Variants in NACC2 observed in about 807,000 individuals in gnomAD.
NACC2 encodes NACC family member 2, also known as nucleus accumbens-associated protein 2.
In NACC2, 8 loss-of-function variants were observed where a neutral mutation model predicts 25.1. That is an observed-to-expected ratio of 0.32 (90% CI 0.19 to 0.57). NACC2 has a LOEUF of 0.57. NACC2 is among the 20% of genes least tolerant of loss of function. The pLI, the probability that NACC2 is intolerant of heterozygous loss-of-function variation, is 0.89. For missense variants in NACC2, 644 were observed against 650.2 expected (o/e 0.99, Z 0.10); for synonymous variants, 435 against 294.7 (o/e 1.48, Z -4.88).
chr9:136,070,189 A>G (rs891609241), intron 1 of NACC2, among the ~76,000 whole-genome samples: 18 of 152,050 alleles, frequency 1.2e-4, no homozygotes, highest in African/African-American at 3.9e-4. Context: ...TAAGTAATCC[A>G]TATGTCAAAG....
At position 136,011,743 on chromosome 9, in the gene NACC2, C is replaced by A; in HGVS notation, c.1537G>T (p.Ala513Ser). Residue 513 changes from alanine to serine, a missense_variant, in exon 6 of 6, where the codon GCC (alanine) becomes TCC (serine). Ala to Ser is a moderately conservative substitution (Grantham distance 99, BLOSUM62 1). Transcript: ENST00000277554. The part of the protein sequence containing the change: ...AATIVALRTD[A>S]VNVDLSAAAN... ...GCGGCACTCAGGTCAACATTCACGGCGTCAGTTCTCAGAGCCACGATGGTG... is the reference window on the plus strand; with the variant it reads ...GCGGCACTCAGGTCAACATTCACGGAGTCAGTTCTCAGAGCCACGATGGTG... The A allele has an allele frequency of 6.5e-7, 1 of 1,539,918 alleles. No homozygotes were observed. The highest frequency in any genetic ancestry group is 8.7e-7 in the Non-Finnish European group (1 of 1,143,810).
intron 1 of NACC2, among the ~76,000 whole-genome samples, chr9:136,056,338 C>A (rs750452032): frequency 1.6e-3 from 245 of 152,260 alleles, no homozygotes; most frequent in Non-Finnish European, 2.2e-3. Flanking sequence ...GCCAGGAACT[C>A]CCCCCAACCC....
intron 2 of NACC2, among the ~76,000 whole-genome samples, chr9:136,023,185 G>T (rs1430339312): frequency 6.7e-6 from 1 of 149,636 alleles, no homozygotes. Flanking sequence ...AAACCCGGAT[G>T]GAAAGGGGCT....
chr9:136,034,992 G>T (rs1191515514), intron 2 of NACC2, among the ~76,000 whole-genome samples: 1 of 152,156 alleles, frequency 6.6e-6, no homozygotes, highest in Non-Finnish European at 1.5e-5. Flanking sequence ...TACTTGGGAG[G>T]CTGAGGCAGG....
At position 136,049,799 on chromosome 9, in the gene NACC2, G is replaced by A. The variant is rs1840788874; in HGVS notation, c.723C>T (p.Tyr241=). 3.9e-6 allele frequency: 3 copies of A among 760,686 alleles called. No homozygotes were observed. The highest frequency in any genetic ancestry group is 1.7e-5 in the African/African-American group (1 of 58,616). The allele number at this position is 760,686 out of a possible 1,614,324, so 47.1% of individuals were successfully genotyped here. The change falls in exon 2 of 6, where the codon TAC becomes TAT. Residue 241 remains tyrosine, a synonymous_variant. Transcript: ENST00000277554. ...TLIPGIQQMP[Y]PQGERTSPGA... ...CTGGACTGGTCCGCTCCCCCTGGGG[G>A]TAGGGCATCTGCTGGATGCCGGGGA...
chr9:136,088,482 G>A (rs1332087158), intron 1 of NACC2, among the ~76,000 whole-genome samples: 2 of 152,134 alleles, frequency 1.3e-5, no homozygotes, highest in Non-Finnish European at 2.9e-5. Context: ...TCAGTCAGCA[G>A]GACGAGCCAC....
chr9:136,053,387 G>A (rs1267663063), intron 1 of NACC2, among the ~76,000 whole-genome samples: 3 of 152,208 alleles, frequency 2.0e-5, no homozygotes, highest in Middle Eastern at 3.2e-3. Context: ...CAAGGGGCTG[G>A]TGACAACTCA....
At chr9:136,070,275 G>A (rs984369524) in intron 1 of NACC2, among the ~76,000 whole-genome samples, 3 of 150,720 alleles carry the variant, frequency 2.0e-5, no homozygotes, top group Non-Finnish European at 4.4e-5. Context: ...TGGGAGGCCG[G>A]GGCGGGTGGA....
rs1189814777 is a variant in NACC2 at position 136,049,721 on chromosome 9, C to G, written c.801G>C (p.Glu267Asp). The change falls in exon 2 of 6, where the codon GAG becomes GAC. Residue 267 changes from glutamate (E) to aspartate (D), a missense_variant. Transcript: ENST00000277554. The stretch of plus-strand genomic sequence containing the variant: ...CGTAGGCCTCGTCGTCCTCCTCGTC[C>G]TCCTCGTTGTGGTACGAGGTGGGGC... ...TDSPTSYHNE[E>D]DEEDDEAYDT... 1.2e-5 allele frequency: 9 copies of G among 779,282 alleles called. No individual in the cohort carries two copies. Among genetic ancestry groups the G allele is most frequent in the African/African-American group, 1.7e-5 (1 of 59,068 alleles). 48.3% of individuals were successfully genotyped at this position (779,282 alleles called of 1,614,324 possible). A position where few individuals can be genotyped will look rare whatever the true frequency, so the allele number is the denominator to read the frequency against.
chr9:136,087,716 G>T (rs989471114), intron 1 of NACC2, among the ~76,000 whole-genome samples: 1 of 152,230 alleles, frequency 6.6e-6, no homozygotes, highest in South Asian at 2.1e-4. Context: ...CGCAGCACGG[G>T]GGGAAATGAG....
intron 2 of NACC2, among the ~76,000 whole-genome samples, chr9:136,042,767 G>A (rs11103285): frequency 1.4e-5 from 2 of 141,364 alleles, no homozygotes. Context: ...CACACACACA[G>A]AGACACACAG....
chr9:136,045,389 C>T (rs10117001), intron 2 of NACC2, among the ~76,000 whole-genome samples: 104 of 36,696 alleles, frequency 2.8e-3, no homozygotes, highest in East Asian at 7.7e-3. Context: ...CCAGAGCTGT[C>T]CCCTGCTGGG....
At chr9:136,030,483 G>A (rs1168431096) in intron 2 of NACC2, among the ~76,000 whole-genome samples, 3 of 151,994 alleles carry the variant, frequency 2.0e-5, no homozygotes, top group Admixed American at 6.5e-5. Flanking sequence ...GGTGGCAGGC[G>A]CCTGTAGTCC....
intron 1 of NACC2, among the ~76,000 whole-genome samples, chr9:136,062,042 C>A (rs1841017795): frequency 1.3e-5 from 2 of 151,920 alleles, no homozygotes; most frequent in Admixed American, 1.3e-4. Context: ...ATCGCTTGAA[C>A]TGGGGAGGTG....
At position 136,018,874 on chromosome 9, in the gene NACC2, TAA is replaced by T. The variant is rs1422394261; in HGVS notation, c.887-2447_887-2446del. ...AGCCGCACGGTGCGTGGCATTTACATAAAGAGTTCACCAACAGAAATAATTCC... is the reference window on the plus strand; with the variant it reads ...AGCCGCACGGTGCGTGGCATTTACATAGAGTTCACCAACAGAAATAATTCC... On this transcript the variant is annotated intron_variant, in intron 2 of 5. Transcript: ENST00000277554. This position sits in a 1 kb window ranked among gnomAD's most constrained non-coding sequence, Gnocchi z 4.4. 6.6e-6 allele frequency among the ~76,000 whole-genome samples: 1 copy of T among 152,132 alleles called. No homozygotes were observed. Among genetic ancestry groups the T allele is most frequent in the East Asian group, 1.9e-4 (1 of 5,186 alleles).
At chr9:136,085,610 G>A (rs1047045576) in intron 1 of NACC2, among the ~76,000 whole-genome samples, 2 of 152,196 alleles carry the variant, frequency 1.3e-5, no homozygotes, top group Admixed American at 6.5e-5. Flanking sequence ...CCTGGGAGGC[G>A]GCTGCCAGGG....
At chr9:136,029,305 C>T (rs992970620) in intron 2 of NACC2, among the ~76,000 whole-genome samples, 8 of 152,188 alleles carry the variant, frequency 5.3e-5, no homozygotes, top group African/African-American at 1.9e-4. Context: ...CAGCTGAGAG[C>T]TGAGCAGATG....
intron 1 of NACC2, among the ~76,000 whole-genome samples, chr9:136,067,564 G>A (rs992877460): frequency 1.1e-4 from 16 of 152,320 alleles, no homozygotes; most frequent in Non-Finnish European, 1.5e-4. Context: ...TGGGCCGGGC[G>A]CGGTGGCTCA....
intron 2 of NACC2, among the ~76,000 whole-genome samples, chr9:136,024,596 T>C (rs551823253): frequency 2.0e-5 from 3 of 152,126 alleles, no homozygotes; most frequent in Admixed American, 2.0e-4. Context: ...AGAGTGTGCA[T>C]GTGAGGACCA....
Sources: allele counts gnomAD v4.1 joint callset (sites outside exome capture counted in the v4.1 genomes callset), GRCh38; gene constraint gnomAD v4.1.1; non-coding constraint Gnocchi (gnomAD v3.1); transcripts MANE v1.5; gene names NCBI Gene and HGNC (gene_info 2026-07-23, HGNC 2026-07-21).